The following NYAP2 variants were observed in gnomAD, a reference collection of about 807,000 sequenced individuals.
NYAP2 encodes the protein neuronal tyrosine-phosphorylated phosphoinositide-3-kinase adapter 2.
NYAP2 carries 23 observed loss-of-function variants against 50.4 expected under a neutral mutation model. The observed-to-expected ratio is 0.46, with a 90% CI of 0.33 to 0.65. The LOEUF (loss-of-function observed/expected upper bound fraction) is 0.65, where lower values mean the gene tolerates loss of function less well. Ranked by LOEUF, NYAP2 falls within the 30% of genes least tolerant of loss-of-function variation. NYAP2 has a pLI of 0.02. For missense variants in NYAP2, 885 were observed against 861.0 expected (o/e 1.03, Z -0.35); for synonymous variants, 394 against 365.2 (o/e 1.08, Z -0.90).
At chr2:225,470,028 G>A (rs1360702867) in intron 3 of NYAP2, among the ~76,000 whole-genome samples, 5 of 151,878 alleles carry the variant, frequency 3.3e-5, no homozygotes, top group East Asian at 3.9e-4. Flanking sequence ...AATAGCTAAC[G>A]GGCCTAACAC....
chr2:225,534,677 C>T (rs745320566), intron 4 of NYAP2, among the ~76,000 whole-genome samples: 90 of 152,116 alleles, frequency 5.9e-4, no homozygotes, highest in Non-Finnish European at 1.2e-3. Context: ...AGTCTAGGCC[C>T]GACAGGAGAG....
At chr2:225,643,405 A>G (rs1559238383) in intron 6 of NYAP2, among the ~76,000 whole-genome samples, 2 of 151,820 alleles carry the variant, frequency 1.3e-5, no homozygotes, top group African/African-American at 4.8e-5. Context: ...ATAAAAAGTT[A>G]CCTTTTCTTT....
intron 3 of NYAP2, among the ~76,000 whole-genome samples, chr2:225,442,974 G>A (rs914608015): frequency 2.0e-5 from 3 of 152,192 alleles, no homozygotes; most frequent in African/African-American, 7.2e-5. Context: ...ATCTTACATG[G>A]TGGCAGGAAA....
intron 3 of NYAP2, among the ~76,000 whole-genome samples, chr2:225,512,667 T>TGCTTGTCTTG (rs1272894271): frequency 2.0e-5 from 3 of 151,060 alleles, no homozygotes; most frequent in East Asian, 2.0e-4. Context: ...CTCCCATCTT[T>TGCTTGTCTTG]CTTTGCTTGT....
chr2:225,430,494 T>C (rs1272299726), intron 3 of NYAP2, among the ~76,000 whole-genome samples: 1 of 152,228 alleles, frequency 6.6e-6, no homozygotes, highest in African/African-American at 2.4e-5. Flanking sequence ...TAGCTGCTTC[T>C]GTTATGGTGG....
chr2:225,470,092 G>A (rs1354035133), intron 3 of NYAP2, among the ~76,000 whole-genome samples: 1 of 152,156 alleles, frequency 6.6e-6, no homozygotes, highest in Non-Finnish European at 1.5e-5. Flanking sequence ...TATTTCATCT[G>A]TCTTATCTAT....
At chr2:225,660,779 C>CA in the NYAP2 span, among the ~76,000 whole-genome samples, 8 of 152,184 alleles carry the variant, frequency 5.3e-5, no homozygotes, top group Non-Finnish European at 1.0e-4. Flanking sequence ...AAATCTATGA[C>CA]AAAATCTGCT....
chr2:225,566,077 CAG>C (rs1691955481), intron 4 of NYAP2, among the ~76,000 whole-genome samples: 1 of 152,110 alleles, frequency 6.6e-6, no homozygotes, highest in Non-Finnish European at 1.5e-5. Context: ...GTCTGTAAAA[CAG>C]AGTTTATAAT....
the NYAP2 span, among the ~76,000 whole-genome samples, chr2:225,686,015 T>A: frequency 6.6e-6 from 1 of 152,158 alleles, no homozygotes; most frequent in African/African-American, 2.4e-5. Context: ...GTTTTACCCG[T>A]AATAATTTAC....
chr2:225,629,848 C>T (rs1027356223), intron 6 of NYAP2, among the ~76,000 whole-genome samples: 2 of 152,164 alleles, frequency 1.3e-5, no homozygotes, highest in African/African-American at 4.8e-5. Flanking sequence ...AGACCCCTCC[C>T]ACTAGGCCCC....
intron 3 of NYAP2, among the ~76,000 whole-genome samples, chr2:225,454,422 T>C (rs1444078228): frequency 1.3e-5 from 2 of 152,174 alleles, no homozygotes; most frequent in East Asian, 3.9e-4. Context: ...TTAATACAAT[T>C]ATAGACTTAG....
intron 6 of NYAP2, among the ~76,000 whole-genome samples, chr2:225,633,000 C>T (rs1306435992): frequency 6.6e-6 from 1 of 152,150 alleles, no homozygotes. Context: ...TTAGTGTAGG[C>T]TTGAAAAATG....
intron 3 of NYAP2, among the ~76,000 whole-genome samples, chr2:225,483,188 G>T (rs112438230): frequency 0.011 from 1,745 of 152,186 alleles, 39 homozygotes; most frequent in African/African-American, 0.04. Context: ...GGTAGATCTT[G>T]AGTTAAGTGT....
chr2:225,526,859 A>G (rs1295817194), intron 4 of NYAP2, among the ~76,000 whole-genome samples: 2 of 152,194 alleles, frequency 1.3e-5, no homozygotes, highest in Non-Finnish European at 2.9e-5. Context: ...TTATAACTGA[A>G]GGCCCACATT....
chr2:225,697,375 T>A, the NYAP2 span, among the ~76,000 whole-genome samples: 1 of 151,988 alleles, frequency 6.6e-6, no homozygotes, highest in Non-Finnish European at 1.5e-5. Context: ...GGACCAATGG[T>A]TCTAATGTAG....
intron 3 of NYAP2, among the ~76,000 whole-genome samples, chr2:225,428,887 G>GT (rs1389313381): frequency 2.6e-5 from 4 of 152,200 alleles, no homozygotes; most frequent in African/African-American, 9.7e-5. Flanking sequence ...AGAGAAAAAT[G>GT]TAAGTAACCA....
At chr2:225,687,911 T>C in the NYAP2 span, among the ~76,000 whole-genome samples, 3 of 152,180 alleles carry the variant, frequency 2.0e-5, no homozygotes, top group African/African-American at 4.8e-5. Context: ...TCTCTCAAAA[T>C]GTGGTGCTCA....
chr2:225,434,990 T>C (rs564360272), intron 3 of NYAP2, among the ~76,000 whole-genome samples: 1 of 152,242 alleles, frequency 6.6e-6, no homozygotes, highest in Non-Finnish European at 1.5e-5. Flanking sequence ...TAGCTGAGTG[T>C]GTTTTCCTAG....
chr2:225,698,740 T>C, the NYAP2 span: 1 of 151,950 alleles, frequency 6.6e-6, no homozygotes, highest in Non-Finnish European at 1.5e-5. Flanking sequence ...CCGGATTATT[T>C]TGAATCCAGA....
Sources: allele counts gnomAD v4.1 joint callset (sites outside exome capture counted in the v4.1 genomes callset), GRCh38; gene constraint gnomAD v4.1.1; transcripts MANE v1.5; gene names NCBI Gene and HGNC (gene_info 2026-07-23, HGNC 2026-07-21).